Variants in RBFOX1 observed in about 807,000 individuals in gnomAD.
RBFOX1 encodes RNA binding protein fox-1 homolog 1.
RBFOX1 carries 8 observed loss-of-function variants against 57.7 expected under a neutral mutation model. The ratio of observed to expected loss-of-function variants is 0.14; its 90% CI spans 0.08 to 0.25. RBFOX1 has a LOEUF of 0.25. Ranked by LOEUF, RBFOX1 falls within the 10% of genes least tolerant of loss-of-function variation. RBFOX1 has a pLI of 1.00. For missense variants in RBFOX1, 611 were observed against 548.5 expected (o/e 1.11, Z -1.14); for synonymous variants, 326 against 222.4 (o/e 1.47, Z -4.15).
chr16:6,965,889 C>A (rs1164323451), intron 3 of RBFOX1, among the ~76,000 whole-genome samples: 1 of 151,948 alleles, frequency 6.6e-6, no homozygotes, highest in African/African-American at 2.4e-5. Context: ...AGTTGTTTGC[C>A]CAAGGAAATG....
At chr16:7,184,468 A>T (rs542278703) in intron 4 of RBFOX1, among the ~76,000 whole-genome samples, 1 of 152,232 alleles carries the variant, frequency 6.6e-6, no homozygotes, top group African/African-American at 2.4e-5. Flanking sequence ...TCTGCATTGC[A>T]TGCATGTTTT....
At position 6,887,585 on chromosome 16, in the gene RBFOX1, C is replaced by A. The variant is rs550024339; in HGVS notation, c.-15-164472C>A. ...CTTTTTTTTTTCCTTTCGAATTCTG[C>A]CATATCACCATAGAGGTCTTCAGGA... On this transcript the variant is annotated intron_variant, in intron 3 of 15. Coordinates refer to ENST00000550418, the MANE Select transcript of RBFOX1 (RefSeq NM_018723.4). Among the ~76,000 whole-genome samples the A allele has an allele frequency of 4.6e-5, 7 of 151,900 alleles. No homozygotes were observed. The East Asian group carries it at 1.4e-3, about 29-fold the overall frequency.
chr16:5,430,366 C>G (rs1355669293), intron 1 of RBFOX1, among the ~76,000 whole-genome samples: 1 of 152,104 alleles, frequency 6.6e-6, no homozygotes, highest in African/African-American at 2.4e-5. Context: ...TGCAAAGGCC[C>G]TGTAGTAGAA....
chr16:6,951,081 A>AT (rs1040279739), intron 3 of RBFOX1, among the ~76,000 whole-genome samples: 3 of 151,578 alleles, frequency 2.0e-5, no homozygotes, highest in African/African-American at 7.3e-5. Context: ...ATTTTATCTT[A>AT]TTTTTTGTAG....
chr16:7,399,395 C>A (rs1479766448), intron 4 of RBFOX1, among the ~76,000 whole-genome samples: 2 of 151,922 alleles, frequency 1.3e-5, no homozygotes, highest in Non-Finnish European at 2.9e-5. Flanking sequence ...TGCAGTGAGC[C>A]GGGATCAGAC....
chr16:6,220,502 T>C (rs1444763076), intron 1 of RBFOX1, among the ~76,000 whole-genome samples: 3 of 152,224 alleles, frequency 2.0e-5, no homozygotes, highest in Non-Finnish European at 4.4e-5. Context: ...TATTGAGTTA[T>C]AAGTCTTTGA....
At chr16:6,463,242 A>C (rs1185344715) in intron 2 of RBFOX1, among the ~76,000 whole-genome samples, 2 of 152,194 alleles carry the variant, frequency 1.3e-5, no homozygotes, top group African/African-American at 4.8e-5. Context: ...GGGTAGTCAG[A>C]TGGCCTAATG....
intron 4 of RBFOX1, among the ~76,000 whole-genome samples, chr16:7,252,439 G>A (rs1243552670): frequency 6.6e-6 from 1 of 152,186 alleles, no homozygotes. Context: ...GTACTTTGCT[G>A]TCTTTTTGCT....
chr16:7,028,072 A>G (rs1357061603), intron 3 of RBFOX1, among the ~76,000 whole-genome samples: 1 of 152,150 alleles, frequency 6.6e-6, no homozygotes, highest in East Asian at 1.9e-4. Flanking sequence ...AGCCCTGAGA[A>G]ACGTGGTTTC....
chr16:5,836,156 G>C (rs1260917607), intron 3 of RBFOX1, among the ~76,000 whole-genome samples: 1 of 152,212 alleles, frequency 6.6e-6, no homozygotes, highest in African/African-American at 2.4e-5. Context: ...TCCGTCTGCT[G>C]CTACCGCCGC....
chr16:6,840,637 C>G (rs376205393), intron 3 of RBFOX1, among the ~76,000 whole-genome samples: 38 of 152,120 alleles, frequency 2.5e-4, no homozygotes, highest in African/African-American at 8.4e-4. Context: ...ACCCATAACC[C>G]CAGCACTTTG....
rs12597757 is a variant in RBFOX1, at chr16:7,704,652, C to G, written c.996-4404C>G. ...CCCAGCCTCCATGGAGTTCTCGTTC[C>G]AGGAGGGTGAAAGGTAAATGATCAG... On this transcript the variant is annotated intron_variant, in intron 14 of 15. Transcript: ENST00000550418. Among the ~76,000 whole-genome samples, 1,925 of 152,226 alleles carry G rather than the reference C, an allele frequency of 0.013. 135 individuals are homozygous for G. The East Asian group carries it at 0.21, about 17-fold the overall frequency.
At chr16:5,286,853 A>G (rs1209918812) in intron 1 of RBFOX1, among the ~76,000 whole-genome samples, 1 of 152,246 alleles carries the variant, frequency 6.6e-6, no homozygotes, top group African/African-American at 2.4e-5. Context: ...TTCCAGTAAA[A>G]TTTAATTTAT....
intron 2 of RBFOX1, among the ~76,000 whole-genome samples, chr16:6,475,339 A>T (rs751871615): frequency 7.2e-5 from 11 of 152,204 alleles, no homozygotes; most frequent in Non-Finnish European, 1.5e-4. Flanking sequence ...ATGCTAAGTT[A>T]TAAGGAGATG....
intron 4 of RBFOX1, among the ~76,000 whole-genome samples, chr16:7,326,707 GTCCTTAAT>G (rs1368685475): frequency 2.6e-5 from 4 of 151,942 alleles, no homozygotes; most frequent in Non-Finnish European, 5.9e-5. Flanking sequence ...TGAGTATATC[GTCCTTAAT>G]CAGAAACATA....
intron 4 of RBFOX1, among the ~76,000 whole-genome samples, chr16:7,180,291 G>T (rs1423837365): frequency 1.3e-5 from 2 of 152,028 alleles, no homozygotes; most frequent in Admixed American, 6.6e-5. Flanking sequence ...CTCTAGGGAG[G>T]GTGCTATAAT....
intron 2 of RBFOX1, among the ~76,000 whole-genome samples, chr16:6,457,652 T>C (rs916836694): frequency 4.6e-5 from 7 of 152,098 alleles, no homozygotes; most frequent in African/African-American, 1.7e-4. Context: ...ATGAGCATAG[T>C]TGAAATCCTG....
chr16:6,829,861 C>T (rs1040365385), intron 3 of RBFOX1, among the ~76,000 whole-genome samples: 61 of 152,162 alleles, frequency 4.0e-4, no homozygotes, highest in African/African-American at 1.4e-3. Context: ...CTTGGCCTCC[C>T]AAAGTGCTGG....
intron 5 of RBFOX1, among the ~76,000 whole-genome samples, chr16:7,567,036 A>C (rs2091845002): frequency 6.6e-6 from 1 of 151,682 alleles, no homozygotes; most frequent in Non-Finnish European, 1.5e-5. Flanking sequence ...AGCTACTGCT[A>C]ATGGAACTGA....
Sources: allele counts gnomAD v4.1 joint callset (sites outside exome capture counted in the v4.1 genomes callset), GRCh38; gene constraint gnomAD v4.1.1; transcripts MANE v1.5; gene names NCBI Gene and HGNC (gene_info 2026-07-23, HGNC 2026-07-21).